Variants in CEP85L observed in about 807,000 individuals in gnomAD.
CEP85L encodes the protein centrosomal protein 85L, also known as centrosomal protein of 85 kDa-like.
CEP85L carries 60 observed loss-of-function variants against 100.3 expected under a neutral mutation model. The observed-to-expected ratio is 0.60, with a 90% CI of 0.49 to 0.74. The LOEUF is 0.74. CEP85L is among the 30% of genes least tolerant of loss of function. The pLI, the probability that CEP85L is intolerant of heterozygous loss-of-function variation, is 0.00. For synonymous variants in CEP85L, 319 were observed against 322.7 expected (o/e 0.99, Z 0.12); for missense variants, 973 against 936.2 (o/e 1.04, Z -0.51).
At chr6:118,670,968 A>C (rs984188170) in intron 1 of CEP85L, among the ~76,000 whole-genome samples, 3 of 152,060 alleles carry the variant, frequency 2.0e-5, no homozygotes, top group Middle Eastern at 3.2e-3. Context: ...AAAAAAAAAA[A>C]AACACTGTGT....
rs1360572040 is a variant in CEP85L, at chr6:118,646,996, A to G, written c.73+4201T>C. ...AATTATTAATCAAGTTCATTTCACC[A>G]AAGTCATCACTAAAGTTAAGATTCA... On this transcript the variant is annotated intron_variant, in intron 1 of 12. Coordinates refer to ENST00000368491, the MANE Select transcript of CEP85L (RefSeq NM_001042475.3). 6 of 985,142 alleles carry G rather than the reference A, an allele frequency of 6.1e-6. No homozygotes were observed. In the African/African-American group the frequency reaches 8.7e-5, roughly 14 times the overall value. 61.0% of individuals were successfully genotyped at this position (985,142 alleles called of 1,614,324 possible).
chr6:118,496,409 G>A (rs746393948), intron 5 of CEP85L, among the ~76,000 whole-genome samples: 440 of 74,074 alleles, frequency 5.9e-3, no homozygotes, highest in Non-Finnish European at 0.012. Flanking sequence ...AGGCTGGAGT[G>A]CAATGGCACG....
chr6:118,636,897 C>T (rs1280219992), intron 1 of CEP85L, among the ~76,000 whole-genome samples: 1 of 152,084 alleles, frequency 6.6e-6, no homozygotes, highest in East Asian at 1.9e-4. Context: ...ATCTCATGAG[C>T]CAATTCTTAA....
At chr6:118,668,388 C>T (rs549035182) in intron 1 of CEP85L, among the ~76,000 whole-genome samples, 1 of 152,246 alleles carries the variant, frequency 6.6e-6, no homozygotes, top group African/African-American at 2.4e-5. Flanking sequence ...ATATATACAC[C>T]CAGACTTCAA....
intron 3 of CEP85L, among the ~76,000 whole-genome samples, chr6:118,546,299 T>C (rs1778197872): frequency 6.6e-6 from 1 of 152,272 alleles, no homozygotes; most frequent in Admixed American, 6.5e-5. Context: ...AGTATCCTTC[T>C]AAGGTGTGTA....
Position 118,644,286 on chromosome 6 carries a change from C to G in CEP85L, c.73+6911G>C, listed in dbSNP as rs2115360929. 1.3e-5 allele frequency among the ~76,000 whole-genome samples: 2 copies of G among 152,208 alleles called. 1 individual carries two copies. The highest frequency in any genetic ancestry group is 3.9e-4 in the East Asian group (2 of 5,176). On this transcript the variant is annotated intron_variant, in intron 1 of 12. Transcript: ENST00000368491. The stretch of plus-strand genomic sequence containing the variant: ...TTTTACTCCTACCACCCTGGCTGCT[C>G]CTTCTCAGTGTCTTTGGACGGCACA...
intron 5 of CEP85L, chr6:118,501,533 AT>A: frequency 2.0e-6 from 1 of 498,264 alleles, no homozygotes; most frequent in Non-Finnish European, 3.9e-6. Flanking sequence ...TAAACACCCA[AT>A]GGATCTCAGC....
intron 2 of CEP85L, among the ~76,000 whole-genome samples, chr6:118,610,142 A>T (rs183482447): frequency 4.6e-4 from 70 of 152,284 alleles, no homozygotes; most frequent in African/African-American, 1.2e-3. Flanking sequence ...AGATTTTTTT[A>T]AAAAATGAGG....
At chr6:118,532,943 T>C (rs1209648747) in intron 3 of CEP85L, among the ~76,000 whole-genome samples, 3 of 152,066 alleles carry the variant, frequency 2.0e-5, no homozygotes, top group Admixed American at 6.5e-5. Flanking sequence ...TTCTAAATAA[T>C]ACACAGGTTT....
intron 3 of CEP85L, among the ~76,000 whole-genome samples, chr6:118,539,715 C>G (rs772291958): frequency 2.0e-5 from 3 of 151,890 alleles, no homozygotes; most frequent in African/African-American, 7.3e-5. Flanking sequence ...TATTAAGCCC[C>G]GCATGCATTA....
At chr6:118,558,503 T>C (rs549766946) in intron 3 of CEP85L, among the ~76,000 whole-genome samples, 36 of 152,086 alleles carry the variant, frequency 2.4e-4, no homozygotes, top group South Asian at 2.1e-3. Flanking sequence ...CCAATACTTG[T>C]AGTAAATTTG....
intron 1 of CEP85L, among the ~76,000 whole-genome samples, chr6:118,674,059 T>C (rs1219325156): frequency 6.6e-6 from 1 of 152,220 alleles, no homozygotes; most frequent in African/African-American, 2.4e-5. Context: ...TATAAAATTC[T>C]TACTAGAGAA....
chr6:118,515,270 C>T (rs1327900088), intron 4 of CEP85L, among the ~76,000 whole-genome samples: 2 of 152,142 alleles, frequency 1.3e-5, no homozygotes, highest in East Asian at 1.9e-4. Flanking sequence ...GAAACAGATA[C>T]ATCCACAATT....
intron 3 of CEP85L, among the ~76,000 whole-genome samples, chr6:118,556,052 T>G (rs1030281558): frequency 6.6e-6 from 1 of 152,222 alleles, no homozygotes; most frequent in Non-Finnish European, 1.5e-5. Flanking sequence ...AGTCTGTCAC[T>G]GATGAGCACT....
intron 4 of CEP85L, among the ~76,000 whole-genome samples, chr6:118,517,369 C>G (rs1214694336): frequency 6.6e-6 from 1 of 152,168 alleles, no homozygotes; most frequent in African/African-American, 2.4e-5. Flanking sequence ...TTATCCCTAT[C>G]CATGAGCATG....
chr6:118,522,036 G>A lies in CEP85L; in HGVS notation c.1139+1766C>T, dbSNP rs866770289. Among the ~76,000 whole-genome samples the A allele has an allele frequency of 3.3e-5, 5 of 152,060 alleles. No homozygotes were observed. In the South Asian group the frequency reaches 1.0e-3, roughly 32 times the overall value. ...TTTGAGGGAGGGCAAATCCATGTAAGTAAAACTGAACTTTAGTCCATTTTT... is the reference window on the plus strand; with the variant it reads ...TTTGAGGGAGGGCAAATCCATGTAAATAAAACTGAACTTTAGTCCATTTTT... On this transcript the variant is annotated intron_variant, in intron 4 of 12. Transcript: ENST00000368491.
At chr6:118,555,492 A>G (rs568984798) in intron 3 of CEP85L, among the ~76,000 whole-genome samples, 31 of 152,148 alleles carry the variant, frequency 2.0e-4, no homozygotes, top group African/African-American at 7.5e-4. Flanking sequence ...CCAATCCACT[A>G]GATCTACAAT....
At chr6:118,512,981 A>G (rs111435063) in intron 4 of CEP85L, among the ~76,000 whole-genome samples, 1,998 of 152,328 alleles carry the variant, frequency 0.013, 50 homozygotes, top group African/African-American at 0.045. Flanking sequence ...ATCAGTTATT[A>G]TAACTATTCA....
rs759722967 is a variant in CEP85L at position 118,465,479 on chromosome 6, C to T, written c.2344G>A (p.Asp782Asn). 2.5e-6 allele frequency: 4 copies of T among 1,613,700 alleles called. No homozygotes were observed. In the South Asian group the frequency reaches 4.4e-5, roughly 18 times the overall value. Residue 782 changes from aspartate to asparagine, a missense_variant, in exon 13 of 13, where the codon GAC becomes AAC. Asp to Asn is a conservative substitution (Grantham distance 23). This residue lies in a region of CEP85L where 890 missense variants were observed against 844.5 expected (regional missense o/e 1.05). Coordinates refer to ENST00000368491, the MANE Select transcript of CEP85L (RefSeq NM_001042475.3). ...ATTGTAGTCCTTAATTCATCAATGT[C>T]TCTTCGTAACTGGCACACATCTGAC... Reference protein sequence around the residue: ...KLSDVCQLRRDIDELRTTISD... With the variant: ...KLSDVCQLRRNIDELRTTISD...
Sources: gnomAD v4.1 joint callset for allele counts (sites outside exome capture counted in the v4.1 genomes callset) on GRCh38, gnomAD v4.1.1 for gene constraint, gnomAD v4.1.1 regional missense constraint, MANE v1.5 for transcripts, NCBI Gene and HGNC (gene_info 2026-07-23, HGNC 2026-07-21) for gene names.